The following INPP4B variants were observed in gnomAD, a reference collection of about 807,000 sequenced individuals.
INPP4B encodes inositol polyphosphate-4-phosphatase type II B, also known as inositol polyphosphate 4-phosphatase type II.
In INPP4B, 55 loss-of-function variants were observed where a neutral mutation model predicts 122.5. That is an observed-to-expected ratio of 0.45 (90% CI 0.36 to 0.56). The LOEUF is 0.56. Ranked by LOEUF, INPP4B falls within the 20% of genes least tolerant of loss-of-function variation. The pLI, the probability that INPP4B is intolerant of heterozygous loss-of-function variation, is 0.00. For synonymous variants in INPP4B, 403 were observed against 388.7 expected (o/e 1.04, Z -0.43); for missense variants, 1,000 against 1,097.7 (o/e 0.91, Z 1.26).
chr4:142,135,413 T>TA (rs936386913), intron 18 of INPP4B, among the ~76,000 whole-genome samples: 2 of 149,036 alleles, frequency 1.3e-5, no homozygotes, highest in African/African-American at 5.2e-5. Context: ...TTTTTAACCT[T>TA]AAAAAAAAGT....
intron 2 of INPP4B, among the ~76,000 whole-genome samples, chr4:142,500,590 T>C (rs1226578502): frequency 4.6e-5 from 7 of 152,214 alleles, no homozygotes; most frequent in Non-Finnish European, 1.0e-4. Context: ...TATACAACAT[T>C]TTCTTTATCT....
chr4:142,187,578 TAC>T (rs1311874597), intron 15 of INPP4B, among the ~76,000 whole-genome samples: 2 of 151,098 alleles, frequency 1.3e-5, no homozygotes, highest in African/African-American at 2.4e-5. Context: ...TATACACACA[TAC>T]ACACACACAC....
At chr4:142,467,006 T>C (rs1413202423) in intron 2 of INPP4B, among the ~76,000 whole-genome samples, 2 of 152,182 alleles carry the variant, frequency 1.3e-5, no homozygotes, top group Non-Finnish European at 2.9e-5. Flanking sequence ...CACTCCCACC[T>C]AGATTTTAGA....
At chr4:142,710,103 T>A (rs1274874751) in intron 2 of INPP4B, among the ~76,000 whole-genome samples, 1 of 152,222 alleles carries the variant, frequency 6.6e-6, no homozygotes, top group African/African-American at 2.4e-5. Context: ...TAATTCCTTC[T>A]GCTCTAGGCC....
chr4:142,357,128 T>C (rs536376567), intron 7 of INPP4B, among the ~76,000 whole-genome samples: 8 of 152,116 alleles, frequency 5.3e-5, no homozygotes, highest in African/African-American at 1.9e-4. Context: ...AAATTAGCAA[T>C]AGTAAGTAGA....
chr4:142,684,056 G>T (rs1159228964), intron 2 of INPP4B, among the ~76,000 whole-genome samples: 1 of 151,976 alleles, frequency 6.6e-6, no homozygotes, highest in Non-Finnish European at 1.5e-5. Flanking sequence ...GAGATGAAAA[G>T]ACAAGAAATA....
At chr4:142,313,284 G>A (rs1383578448) in intron 8 of INPP4B, among the ~76,000 whole-genome samples, 2 of 152,106 alleles carry the variant, frequency 1.3e-5, no homozygotes, top group Admixed American at 6.5e-5. Flanking sequence ...TGGGGTCGGG[G>A]CAGGCAGTGA....
At chr4:142,563,814 C>A (rs779205745) in intron 2 of INPP4B, among the ~76,000 whole-genome samples, 3 of 152,172 alleles carry the variant, frequency 2.0e-5, no homozygotes, top group Non-Finnish European at 2.9e-5. Flanking sequence ...AAGCCCAAGT[C>A]CAGTCTAGCC....
In INPP4B at chr4:142,606,728, C is replaced by T. The variant is rs962851067; in HGVS notation, c.-191+119111G>A. On this transcript the variant is annotated intron_variant, in intron 2 of 25. Transcript: ENST00000262992. Reference sequence around the variant, plus strand: ...TAAAATTCCATGAGGAAGCTGCTGGCAATGTTTCTGTTTCATTAGAGAAAA... The same window carrying T: ...TAAAATTCCATGAGGAAGCTGCTGGTAATGTTTCTGTTTCATTAGAGAAAA... 5.9e-5 allele frequency among the ~76,000 whole-genome samples: 9 copies of T among 151,982 alleles called. No individual in the cohort carries two copies. In the East Asian group the frequency reaches 7.7e-4, roughly 13 times the overall value.
At chr4:142,494,691 C>G (rs560093030) in intron 2 of INPP4B, among the ~76,000 whole-genome samples, 11 of 152,150 alleles carry the variant, frequency 7.2e-5, no homozygotes, top group Middle Eastern at 6.8e-3. Context: ...AATAATTGTC[C>G]TCTAGGTAAT....
At chr4:142,255,176 G>C (rs1227496636) in intron 11 of INPP4B, among the ~76,000 whole-genome samples, 1 of 151,394 alleles carries the variant, frequency 6.6e-6, no homozygotes, top group African/African-American at 2.4e-5. Context: ...TCACCACCAG[G>C]CCTGCCCTAA....
At chr4:142,094,836 T>C (rs1397692695) in intron 23 of INPP4B, among the ~76,000 whole-genome samples, 1 of 152,194 alleles carries the variant, frequency 6.6e-6, no homozygotes, top group African/African-American at 2.4e-5. Flanking sequence ...CTATATAGAA[T>C]AAGTTAAATT....
At chr4:142,322,770 C>G (rs760688720) in intron 7 of INPP4B, among the ~76,000 whole-genome samples, 1 of 152,144 alleles carries the variant, frequency 6.6e-6, no homozygotes, top group Non-Finnish European at 1.5e-5. Context: ...TTAACCTTGA[C>G]AACACAGTAG....
At chr4:142,774,902 G>A (rs568955944) in intron 1 of INPP4B, among the ~76,000 whole-genome samples, 1 of 151,916 alleles carries the variant, frequency 6.6e-6, no homozygotes, top group African/African-American at 2.4e-5. Context: ...ACTTTACTTA[G>A]ATTTCCTTAG....
intron 2 of INPP4B, among the ~76,000 whole-genome samples, chr4:142,594,990 A>G (rs1180080532): frequency 6.6e-6 from 1 of 150,944 alleles, no homozygotes; most frequent in Non-Finnish European, 1.5e-5. Flanking sequence ...AAGGCAGAGC[A>G]TGAATGCAGT....
chr4:142,770,519 G>A (rs777861493), intron 1 of INPP4B, among the ~76,000 whole-genome samples: 1 of 151,978 alleles, frequency 6.6e-6, no homozygotes, highest in Non-Finnish European at 1.5e-5. Flanking sequence ...CCTCTATTAA[G>A]TGAAACTATT....
chr4:142,690,607 A>G (rs1760032956), intron 2 of INPP4B, among the ~76,000 whole-genome samples: 1 of 152,156 alleles, frequency 6.6e-6, no homozygotes, highest in South Asian at 2.1e-4. Context: ...CTTGAAAGAA[A>G]CCCAGGCTCC....
intron 7 of INPP4B, among the ~76,000 whole-genome samples, chr4:142,374,019 CA>C (rs1474217111): frequency 6.6e-6 from 1 of 150,450 alleles, no homozygotes; most frequent in African/African-American, 2.4e-5. Flanking sequence ...AAACAGGTGG[CA>C]AAAAAAAGGA....
At chr4:142,328,883 C>A (rs1418809582) in intron 7 of INPP4B, among the ~76,000 whole-genome samples, 1 of 152,146 alleles carries the variant, frequency 6.6e-6, no homozygotes, top group East Asian at 1.9e-4. Flanking sequence ...TGGGTCTCAG[C>A]ATTACATTAA....
Sources: gnomAD v4.1 joint callset for allele counts (sites outside exome capture counted in the v4.1 genomes callset) on GRCh38, gnomAD v4.1.1 for gene constraint, MANE v1.5 for transcripts, NCBI Gene and HGNC (gene_info 2026-07-23, HGNC 2026-07-21) for gene names.